Variants in LMX1A observed in about 807,000 individuals in gnomAD.
LMX1A encodes the protein LIM homeobox transcription factor 1-alpha.
A neutral mutation model predicts 49.1 loss-of-function variants in LMX1A; 15 were observed. The ratio of observed to expected loss-of-function variants is 0.31; its 90% CI spans 0.20 to 0.47. The LOEUF (loss-of-function observed/expected upper bound fraction) is 0.47. LMX1A is among the 20% of genes least tolerant of loss of function. LMX1A has a pLI of 1.00. For missense variants in LMX1A, 372 were observed against 475.8 expected (o/e 0.78, Z 2.03); for synonymous variants, 167 against 185.7 (o/e 0.90, Z 0.82).
chr1:165,206,850 A>G (rs1460205863), intron 7 of LMX1A, among the ~76,000 whole-genome samples: 1 of 152,148 alleles, frequency 6.6e-6, no homozygotes, highest in Non-Finnish European at 1.5e-5. Flanking sequence ...TCTCTCCCTA[A>G]CATCTACCTT....
chr1:165,236,862 T>TC (rs1334992591), intron 4 of LMX1A, among the ~76,000 whole-genome samples: 14 of 151,958 alleles, frequency 9.2e-5, no homozygotes, highest in African/African-American at 3.1e-4. Context: ...GTTTTTTTTT[T>TC]TTTTTAGTAC....
chr1:165,329,737 A>T (rs1485144270), intron 3 of LMX1A, among the ~76,000 whole-genome samples: 2 of 152,050 alleles, frequency 1.3e-5, no homozygotes, highest in Non-Finnish European at 2.9e-5. Flanking sequence ...TATTAGTAAA[A>T]CCTATCAGAC....
intron 4 of LMX1A, among the ~76,000 whole-genome samples, chr1:165,238,377 C>T (rs1291116774): frequency 2.0e-5 from 3 of 152,142 alleles, no homozygotes; most frequent in Non-Finnish European, 4.4e-5. Context: ...GCAGAAGAAC[C>T]AGGAGTTTGT....
At chr1:165,204,504 C>A (rs1650989150) in intron 8 of LMX1A, among the ~76,000 whole-genome samples, 1 of 152,202 alleles carries the variant, frequency 6.6e-6, no homozygotes, top group Non-Finnish European at 1.5e-5. Context: ...TCAGCTGTTA[C>A]CCCAAATTTG....
At position 165,291,930 on chromosome 1, in the gene LMX1A, C is replaced by T. The variant is rs1211798491; in HGVS notation, c.264-42290G>A. 1.6e-4 allele frequency among the ~76,000 whole-genome samples: 25 copies of T among 151,956 alleles called. 1 individual carries two copies. The highest frequency in any genetic ancestry group is 5.3e-4 in the African/African-American group (22 of 41,436). On this transcript the variant is annotated intron_variant, in intron 3 of 8. Transcript: ENST00000342310. ...TACAAAAATTAGCCGGGCATGGTGG[C>T]GCGCGCTTGTAGTCCCAGCTACACG...
chr1:165,233,130 C>A (rs1200772032), intron 4 of LMX1A, among the ~76,000 whole-genome samples: 1 of 152,216 alleles, frequency 6.6e-6, no homozygotes, highest in Non-Finnish European at 1.5e-5. Context: ...AAGACTCACA[C>A]AATTGCATCC....
rs112615514 is a variant in LMX1A, at chr1:165,288,977, A to C, written c.264-39337T>G. Among the ~76,000 whole-genome samples the C allele has an allele frequency of 4.2e-3, 639 of 152,340 alleles. 4 individuals carry two copies. The highest frequency in any genetic ancestry group is 0.015 in the African/African-American group (603 of 41,566). ...AGGTAATATCCAACTGGCAGAGTGA[A>C]TCATCAGAGCTGGCAGCTGGGCCAA... On this transcript the variant is annotated intron_variant, in intron 3 of 8. Transcript: ENST00000342310.
At chr1:165,354,594 G>C (rs986561327) in intron 2 of LMX1A, among the ~76,000 whole-genome samples, 1 of 152,160 alleles carries the variant, frequency 6.6e-6, no homozygotes, top group Non-Finnish European at 1.5e-5. Context: ...GGGTGTTGGG[G>C]GTGGGGAGAT....
intron 3 of LMX1A, among the ~76,000 whole-genome samples, chr1:165,303,644 A>G (rs1344934441): frequency 2.0e-5 from 3 of 152,126 alleles, no homozygotes; most frequent in Non-Finnish European, 2.9e-5. Context: ...TCCTTCACTC[A>G]GACCACCAGC....
Position 165,247,059 on chromosome 1 carries a change from T to TTTTTC in LMX1A, c.496+2348_496+2349insGAAAA, listed in dbSNP as rs1652880522. Among the ~76,000 whole-genome samples the TTTTTC allele has an allele frequency of 3.2e-5, 4 of 124,746 alleles. 1 individual carries two copies. The highest frequency in any genetic ancestry group is 1.2e-4 in the African/African-American group (4 of 32,520). 81.8% of individuals were successfully genotyped at this position (124,746 alleles called of 152,430 possible). On this transcript the variant is annotated intron_variant, in intron 4 of 8. Transcript: ENST00000342310. ...TTAGATCAGATCAGCTTTTTCTTTT[T>TTTTTC]TTTTTTTTTTTTTTTTTTTTTGCAG...
intron 3 of LMX1A, among the ~76,000 whole-genome samples, chr1:165,348,665 T>G (rs1656324494): frequency 6.6e-6 from 1 of 152,186 alleles, no homozygotes; most frequent in Non-Finnish European, 1.5e-5. Context: ...CATGAGTAAC[T>G]GCATGCCCAA....
At chr1:165,207,062 G>T (rs1260170870) in intron 7 of LMX1A, among the ~76,000 whole-genome samples, 5 of 152,096 alleles carry the variant, frequency 3.3e-5, no homozygotes, top group Admixed American at 3.3e-4. Context: ...TCAAAGTGTG[G>T]TCCACAGACT....
intron 3 of LMX1A, among the ~76,000 whole-genome samples, chr1:165,279,142 T>G (rs1460069496): frequency 6.6e-6 from 1 of 152,232 alleles, no homozygotes; most frequent in Non-Finnish European, 1.5e-5. Context: ...AGAATAGAAT[T>G]AGGAGCCTTT....
chr1:165,292,846 C>T lies in LMX1A; in HGVS notation c.264-43206G>A, dbSNP rs542239549. ...TAAAAAACTTACTGGGGTCCAGGCG[C>T]GGTGGCTCACGCCTGTAATCCCAGC... On this transcript the variant is annotated intron_variant, in intron 3 of 8. Transcript: ENST00000342310. Among the ~76,000 whole-genome samples, 29 of 152,186 alleles carry T rather than the reference C, an allele frequency of 1.9e-4. No homozygotes were observed. In the East Asian group the frequency reaches 4.4e-3, roughly 23 times the overall value.
At chr1:165,328,983 G>C (rs1388070217) in intron 3 of LMX1A, among the ~76,000 whole-genome samples, 1 of 152,220 alleles carries the variant, frequency 6.6e-6, no homozygotes, top group Non-Finnish European at 1.5e-5. Flanking sequence ...GAGAATTGGA[G>C]AGGTCTTTGT....
chr1:165,331,963 GA>G (rs1655755561), intron 3 of LMX1A, among the ~76,000 whole-genome samples: 1 of 151,950 alleles, frequency 6.6e-6, no homozygotes, highest in Non-Finnish European at 1.5e-5. Context: ...ACACAGAGGG[GA>G]AAAGACTGAC....
intron 7 of LMX1A, among the ~76,000 whole-genome samples, chr1:165,206,957 C>A (rs910326999): frequency 6.6e-6 from 1 of 152,268 alleles, no homozygotes; most frequent in Admixed American, 6.5e-5. Context: ...CAGTGTCAAG[C>A]ACAAGGCAGG....
At chr1:165,224,848 C>T (rs1651977164) in intron 4 of LMX1A, among the ~76,000 whole-genome samples, 1 of 152,192 alleles carries the variant, frequency 6.6e-6, no homozygotes. Flanking sequence ...AGTTAGGGTT[C>T]ACCTGGGATG....
chr1:165,213,939 A>G (rs1311314146), intron 4 of LMX1A, 126 bp from the exon 5 acceptor site: 56 of 786,602 alleles, frequency 7.1e-5, no homozygotes, highest in Non-Finnish European at 6.0e-5. Flanking sequence ...GCAATAATCT[A>G]TGTGGTATTG....
Sources: gnomAD v4.1 joint callset for allele counts (sites outside exome capture counted in the v4.1 genomes callset) on GRCh38, gnomAD v4.1.1 for gene constraint, MANE v1.5 for transcripts, NCBI Gene and HGNC (gene_info 2026-07-23, HGNC 2026-07-21) for gene names.